Variants in KIRREL3 observed in about 807,000 individuals in gnomAD.
KIRREL3 encodes kin of IRRE-like protein 3.
Under a neutral mutation model 89.7 loss-of-function variants are expected in KIRREL3, and 36 were observed. The ratio of observed to expected loss-of-function variants is 0.40; its 90% confidence interval spans 0.31 to 0.53. The LOEUF (loss-of-function observed/expected upper bound fraction) is 0.53, where lower values mean the gene tolerates loss of function less well. Ranked by LOEUF, KIRREL3 falls within the 20% of genes least tolerant of loss-of-function variation. KIRREL3 has a pLI of 0.49. For missense variants in KIRREL3, 864 were observed against 1,056.6 expected (o/e 0.82, Z 2.53); for synonymous variants, 445 against 441.4 (o/e 1.01, Z -0.10).
rs773524924 is a variant in KIRREL3, at chr11:126,436,801, C to A, written c.1552+10G>T. ...GTTCGTTGTTCCCTCATGGCCCTGGCAGCTCTCACCTTGCTCCTTGAGCCG... is the reference window on the plus strand; with the variant it reads ...GTTCGTTGTTCCCTCATGGCCCTGGAAGCTCTCACCTTGCTCCTTGAGCCG... On this transcript the variant is annotated intron_variant, in intron 12 of 16. Coordinates refer to ENST00000525144, the MANE Select transcript of KIRREL3 (RefSeq NM_032531.4). The A allele has an allele frequency of 2.5e-6, 4 of 1,613,160 alleles. No individual in the cohort carries two copies. The highest frequency in any genetic ancestry group is 2.5e-6 in the Non-Finnish European group (3 of 1,179,810).
chr11:126,947,268 T>C (rs1488603678), intron 1 of KIRREL3, among the ~76,000 whole-genome samples: 2 of 152,206 alleles, frequency 1.3e-5, no homozygotes, highest in Admixed American at 1.3e-4. Context: ...GCTATTTTCT[T>C]CTTGTCTTCC....
At chr11:126,548,823 C>T (rs113982080) in intron 2 of KIRREL3, among the ~76,000 whole-genome samples, 4,740 of 152,248 alleles carry the variant, frequency 0.031, 221 homozygotes, top group African/African-American at 0.1. Context: ...AAGGCAATGA[C>T]GTCAGTGGGC....
intron 2 of KIRREL3, among the ~76,000 whole-genome samples, chr11:126,533,281 G>T (rs1250363579): frequency 6.6e-6 from 1 of 152,204 alleles, no homozygotes; most frequent in Non-Finnish European, 1.5e-5. Flanking sequence ...CCAGCAGTCT[G>T]GTTCCAGAGC....
intron 1 of KIRREL3, among the ~76,000 whole-genome samples, chr11:126,592,861 A>G (rs565580618): frequency 6.6e-6 from 1 of 152,310 alleles, no homozygotes; most frequent in South Asian, 2.1e-4. Flanking sequence ...GCTCAGGCAG[A>G]AAAGGCCTGT....
Position 126,772,074 on chromosome 11 carries a change from G to A in KIRREL3, c.56-209162C>T, listed in dbSNP as rs1317165635. On this transcript the variant is annotated intron_variant, in intron 1 of 16. Coordinates refer to ENST00000525144, the MANE Select transcript of KIRREL3 (RefSeq NM_032531.4). This position sits in a 1 kb window ranked among gnomAD's most constrained non-coding sequence, Gnocchi z 4.6. ...CTGTCAGAGCTCTAAAGCACTAAGA[G>A]GTGCCAGCTCATTCTCAGGGCAGAA... Among the ~76,000 whole-genome samples, 1 of 152,194 alleles carries A rather than the reference G, an allele frequency of 6.6e-6. No homozygotes were observed. The highest frequency in any genetic ancestry group is 1.5e-5 in the Non-Finnish European group (1 of 68,032).
chr11:126,766,252 C>G lies in KIRREL3; in HGVS notation c.56-203340G>C, dbSNP rs1378919286. On this transcript the variant is annotated intron_variant, in intron 1 of 16. Coordinates refer to ENST00000525144, the MANE Select transcript of KIRREL3 (RefSeq NM_032531.4). The surrounding 1 kb of genome is among the most constrained non-coding windows in gnomAD (Gnocchi z 4.2). ...CAGTTGGCTGAGAACAGTAGGAGCC[C>G]ATAACAGACAGCATGTCATCCATTC... Among the ~76,000 whole-genome samples, 6 of 151,982 alleles carry G rather than the reference C, an allele frequency of 3.9e-5. No homozygotes were observed. Among genetic ancestry groups the G allele is most frequent in the Non-Finnish European group, 7.4e-5 (5 of 68,014 alleles).
At chr11:126,856,575 A>G (rs12284149) in intron 1 of KIRREL3, among the ~76,000 whole-genome samples, 4 of 11,666 alleles carry the variant, frequency 3.4e-4, no homozygotes, top group Admixed American at 1.3e-3. Flanking sequence ...ATATATATAT[A>G]TATATATATA....
intron 1 of KIRREL3, among the ~76,000 whole-genome samples, chr11:126,713,647 C>T (rs73569591): frequency 0.027 from 4,083 of 152,142 alleles, 179 homozygotes; most frequent in African/African-American, 0.092. Context: ...CTGCAGAGGG[C>T]GACAGACATT....
chr11:126,481,280 C>T (rs996201554), intron 4 of KIRREL3, among the ~76,000 whole-genome samples: 1 of 152,170 alleles, frequency 6.6e-6, no homozygotes, highest in Non-Finnish European at 1.5e-5. Context: ...TTTTTGTTTT[C>T]TTCCCACCCC....
chr11:126,825,885 T>A (rs1324479270), intron 1 of KIRREL3, among the ~76,000 whole-genome samples: 1 of 152,152 alleles, frequency 6.6e-6, no homozygotes, highest in Non-Finnish European at 1.5e-5. Flanking sequence ...GTTAATCAGG[T>A]TGTCCTTTTC....
In KIRREL3 at chr11:126,578,019, G is replaced by A. The variant is rs1591767519; in HGVS notation, c.56-15107C>T. Among the ~76,000 whole-genome samples the A allele has an allele frequency of 6.6e-6, 1 of 152,154 alleles. No homozygotes were observed. Among genetic ancestry groups the A allele is most frequent in the African/African-American group, 2.4e-5 (1 of 41,440 alleles). On this transcript the variant is annotated intron_variant, in intron 1 of 16. Transcript: ENST00000525144. This position sits in a 1 kb window ranked among gnomAD's most constrained non-coding sequence, Gnocchi z 4.9. ...CAGGGAGCTCATTACTTTGGAAGCT[G>A]TGGTTTTCATTTTTGGAGAGTTTAA...
At position 126,525,695 on chromosome 11, in the gene KIRREL3, C is replaced by T. The variant is rs1958728367; in HGVS notation, c.283+843G>A. 6.6e-6 allele frequency among the ~76,000 whole-genome samples: 1 copy of T among 152,162 alleles called. No homozygotes were observed. The highest frequency in any genetic ancestry group is 2.4e-5 in the African/African-American group (1 of 41,426). On this transcript the variant is annotated intron_variant, in intron 3 of 16. Transcript: ENST00000525144. The surrounding 1 kb of genome is among the most constrained non-coding windows in gnomAD (Gnocchi z 5.4). ...TCCCAAATCACAGGGGAATGACACCCAGAGGTCCCTGCTTGTGAATTTTAC... is the reference window on the plus strand; with the variant it reads ...TCCCAAATCACAGGGGAATGACACCTAGAGGTCCCTGCTTGTGAATTTTAC...
At chr11:126,842,386 G>T in intron 1 of KIRREL3, among the ~76,000 whole-genome samples, 1 of 152,066 alleles carries the variant, frequency 6.6e-6, no homozygotes, top group East Asian at 1.9e-4. Context: ...AATCTCTCAG[G>T]GTTCTGTAAT....
chr11:126,517,136 A>AAGAGAGAGAGAGAGAGAGAGAGAGAG (rs199586143), intron 4 of KIRREL3, among the ~76,000 whole-genome samples: 15 of 140,808 alleles, frequency 1.1e-4, no homozygotes, highest in South Asian at 2.3e-4. Context: ...GAGAGAGAGA[A>AAGAGAGAGAGAGAGAGAGAGAGAGAG]AGAGAGAGAG....
At chr11:126,878,608 A>C (rs116069536) in intron 1 of KIRREL3, among the ~76,000 whole-genome samples, 108 of 152,278 alleles carry the variant, frequency 7.1e-4, no homozygotes, top group African/African-American at 2.5e-3. Context: ...AAAAAAATGC[A>C]ACACAACCCT....
At chr11:126,506,375 C>A (rs898089921) in intron 4 of KIRREL3, among the ~76,000 whole-genome samples, 2 of 152,168 alleles carry the variant, frequency 1.3e-5, no homozygotes, top group Non-Finnish European at 2.9e-5. Context: ...GGACTTGTAT[C>A]CTGGCTATAA....
intron 7 of KIRREL3, among the ~76,000 whole-genome samples, chr11:126,449,804 G>T (rs1591551872): frequency 1.3e-5 from 2 of 152,350 alleles, no homozygotes; most frequent in Middle Eastern, 6.8e-3. Context: ...CTCCTGTCCT[G>T]TTCTGCCTCC....
Position 126,977,056 on chromosome 11 carries a change from C to T in KIRREL3, c.55+23399G>A, listed in dbSNP as rs558364911. ...ATGCTGCATTTCCCAAGGAGGACTGCCCTTTTTATTCTTCTTCCTTCTTGA... is the reference window on the plus strand; with the variant it reads ...ATGCTGCATTTCCCAAGGAGGACTGTCCTTTTTATTCTTCTTCCTTCTTGA... On this transcript the variant is annotated intron_variant, in intron 1 of 16. Coordinates refer to ENST00000525144, the MANE Select transcript of KIRREL3 (RefSeq NM_032531.4). The surrounding 1 kb of genome is among the most constrained non-coding windows in gnomAD (Gnocchi z 4.7). Among the ~76,000 whole-genome samples the T allele has an allele frequency of 6.6e-6, 1 of 152,210 alleles. No homozygotes were observed. The highest frequency in any genetic ancestry group is 2.1e-4 in the South Asian group (1 of 4,806).
upstream of KIRREL3, chr11:127,000,962 A>G (rs921772187): frequency 2.6e-5 from 8 of 302,336 alleles, no homozygotes; most frequent in African/African-American, 1.7e-4. This position sits in a 1 kb window ranked among gnomAD's most constrained non-coding sequence, Gnocchi z 7.1. Context: ...CAGTGGGGGA[A>G]AAGGCTGTGT....
Sources: allele counts gnomAD v4.1 joint callset (sites outside exome capture counted in the v4.1 genomes callset), GRCh38; gene constraint gnomAD v4.1.1; non-coding constraint Gnocchi (gnomAD v3.1); transcripts MANE v1.5; gene names NCBI Gene and HGNC (gene_info 2026-07-23, HGNC 2026-07-21).